Variants in CPQ observed in about 807,000 individuals in gnomAD.
CPQ encodes Ser-Met dipeptidase.
A neutral mutation model predicts 45.7 loss-of-function variants in CPQ; 37 were observed. That is an observed-to-expected ratio of 0.81 (90% confidence interval 0.62 to 1.07). The LOEUF (loss-of-function observed/expected upper bound fraction) is 1.07. Ranked by LOEUF, CPQ falls within the 50% of genes least tolerant of loss-of-function variation. The pLI is 0.00. For missense variants in CPQ, 537 were observed against 572.9 expected, an observed-to-expected ratio of 0.94 and a Z score of 0.64; for synonymous variants, 186 against 205.8, an observed-to-expected ratio of 0.90 and a Z score of 0.82.
intron 7 of CPQ, among the ~76,000 whole-genome samples, chr8:97,128,021 C>G (rs1388702680): frequency 6.6e-6 from 1 of 152,226 alleles, no homozygotes; most frequent in Non-Finnish European, 1.5e-5. Context: ...AGTAGTCACA[C>G]AGGTGTGTTC....
At chr8:97,038,171 T>C (rs552629290) in intron 6 of CPQ, among the ~76,000 whole-genome samples, 2 of 152,248 alleles carry the variant, frequency 1.3e-5, no homozygotes, top group Non-Finnish European at 2.9e-5. Flanking sequence ...ATCCCAACTT[T>C]TCTGCTACCA....
chr8:97,084,366 T>A (rs1260106510), intron 7 of CPQ, among the ~76,000 whole-genome samples: 1 of 152,206 alleles, frequency 6.6e-6, no homozygotes, highest in Non-Finnish European at 1.5e-5. Flanking sequence ...TTGCTTCTTT[T>A]ATTTTCTTCC....
At chr8:96,885,610 T>C (rs973342315) in intron 4 of CPQ, among the ~76,000 whole-genome samples, 6 of 152,106 alleles carry the variant, frequency 3.9e-5, no homozygotes, top group African/African-American at 1.4e-4. Flanking sequence ...TTTAGAAAAG[T>C]GTATATGTGA....
intron 4 of CPQ, among the ~76,000 whole-genome samples, chr8:96,923,715 A>G (rs1812838411): frequency 6.6e-6 from 1 of 152,220 alleles, no homozygotes; most frequent in South Asian, 2.1e-4. Context: ...TGGTTATTCA[A>G]AGCAGACCCT....
chr8:96,813,227 A>G (rs910655036), intron 2 of CPQ, among the ~76,000 whole-genome samples: 1 of 152,124 alleles, frequency 6.6e-6, no homozygotes, highest in African/African-American at 2.4e-5. Context: ...TGTAATCAAG[A>G]GATATTCTAG....
intron 4 of CPQ, among the ~76,000 whole-genome samples, chr8:96,907,066 A>G (rs1031962718): frequency 1.3e-5 from 2 of 152,226 alleles, no homozygotes; most frequent in African/African-American, 4.8e-5. Context: ...TATATTTTGT[A>G]TTTGTAATAT....
chr8:97,063,707 C>A (rs1180209577), intron 6 of CPQ, among the ~76,000 whole-genome samples: 1 of 151,948 alleles, frequency 6.6e-6, no homozygotes, highest in East Asian at 1.9e-4. Flanking sequence ...TCCCATCATC[C>A]TTTATTAAAT....
At chr8:96,659,754 A>T (rs1815677894) in intron 1 of CPQ, among the ~76,000 whole-genome samples, 2 of 152,140 alleles carry the variant, frequency 1.3e-5, no homozygotes, top group African/African-American at 4.8e-5. Flanking sequence ...AGTCGGGGAG[A>T]TTGCCCTTAA....
chr8:96,788,301 G>A (rs918237015), intron 2 of CPQ, among the ~76,000 whole-genome samples: 7 of 151,786 alleles, frequency 4.6e-5, no homozygotes, highest in Non-Finnish European at 7.4e-5. Flanking sequence ...TGGGATTACA[G>A]GTGCACACCA....
chr8:96,891,574 G>T (rs915974292), intron 4 of CPQ, among the ~76,000 whole-genome samples: 1 of 152,184 alleles, frequency 6.6e-6, no homozygotes, highest in Non-Finnish European at 1.5e-5. Context: ...GGTGTCCATA[G>T]AATGAGTTAT....
intron 5 of CPQ, among the ~76,000 whole-genome samples, chr8:97,008,612 T>C (rs572546071): frequency 1.3e-5 from 2 of 152,306 alleles, no homozygotes; most frequent in South Asian, 2.1e-4. Flanking sequence ...ACGTGTACAA[T>C]GGAGGCTTAA....
intron 1 of CPQ, among the ~76,000 whole-genome samples, chr8:96,782,238 G>A (rs1242104099): frequency 6.6e-6 from 1 of 152,296 alleles, no homozygotes; most frequent in Middle Eastern, 3.4e-3. Context: ...TCTAGGTGAA[G>A]GTAGCCATGC....
chr8:96,684,085 T>G (rs980267086), intron 1 of CPQ, among the ~76,000 whole-genome samples: 24 of 152,244 alleles, frequency 1.6e-4, no homozygotes, highest in Non-Finnish European at 1.0e-4. Context: ...TTGTGTTTCT[T>G]TTGAAGTGTC....
chr8:96,887,543 A>G (rs915924361), intron 4 of CPQ, among the ~76,000 whole-genome samples: 3 of 152,182 alleles, frequency 2.0e-5, no homozygotes, highest in Admixed American at 2.0e-4. Context: ...CACAGAAGGA[A>G]GGTTGTGCTT....
intron 4 of CPQ, among the ~76,000 whole-genome samples, chr8:96,958,912 G>GAAAA (rs34511194): frequency 7.6e-6 from 1 of 131,202 alleles, no homozygotes; most frequent in African/African-American, 2.8e-5. Flanking sequence ...CAGCTTCACT[G>GAAAA]AAAAAAAAAA....
intron 7 of CPQ, among the ~76,000 whole-genome samples, chr8:97,116,941 G>T (rs1384922008): frequency 6.6e-6 from 1 of 152,204 alleles, no homozygotes; most frequent in East Asian, 1.9e-4. Context: ...AGGAATTGAT[G>T]ATAACCAGTA....
intron 2 of CPQ, among the ~76,000 whole-genome samples, chr8:96,826,715 C>G (rs1183140039): frequency 1.3e-5 from 2 of 151,906 alleles, no homozygotes; most frequent in African/African-American, 2.4e-5. Context: ...TTGCACCCAT[C>G]AGCCCATTAC....
At chr8:97,036,828 T>C (rs1470658193) in intron 6 of CPQ, among the ~76,000 whole-genome samples, 1 of 152,250 alleles carries the variant, frequency 6.6e-6, no homozygotes, top group African/African-American at 2.4e-5. Context: ...TGATATGTCT[T>C]ATTCTGGCAT....
At chr8:96,932,468 A>G (rs13278940) in intron 4 of CPQ, among the ~76,000 whole-genome samples, 50,214 of 152,056 alleles carry the variant, frequency 0.33, 8,417 homozygotes, top group South Asian at 0.42. Flanking sequence ...CCACATTGAT[A>G]TATCTAGCTC....
Sources: allele counts gnomAD v4.1 joint callset (sites outside exome capture counted in the v4.1 genomes callset), GRCh38; gene constraint gnomAD v4.1.1; transcripts MANE v1.5; gene names NCBI Gene and HGNC (gene_info 2026-07-23, HGNC 2026-07-21).